The following KCNT1 variants were observed in gnomAD, a reference collection of about 807,000 sequenced individuals.
The protein encoded by KCNT1 is potassium sodium-activated channel subfamily T member 1.
Under a neutral mutation model 147.8 loss-of-function variants are expected in KCNT1, and 78 were observed. The observed-to-expected ratio is 0.53, with a 90% CI of 0.44 to 0.64. The LOEUF is 0.64. Ranked by LOEUF, KCNT1 falls within the 30% of genes least tolerant of loss-of-function variation. The probability of loss-of-function intolerance (pLI) is 0.00; values close to 1 mark genes in which losing one functional copy is unlikely to be tolerated. For missense variants in KCNT1, 1,419 were observed against 1,750.3 expected, an observed-to-expected ratio of 0.81 and a Z score of 3.38; for synonymous variants, 867 against 748.8, an observed-to-expected ratio of 1.16 and a Z score of -2.58.
intron 2 of KCNT1, among the ~76,000 whole-genome samples, chr9:135,732,965 G>A (rs1830167119): frequency 6.6e-6 from 1 of 151,910 alleles, no homozygotes; most frequent in African/African-American, 2.4e-5. Context: ...GCCTCCTGAT[G>A]AGGGCTAAGG....
chr9:135,789,994 CG>C, intron 29 of KCNT1: 1 of 152,564 alleles, frequency 6.6e-6, no homozygotes, highest in Non-Finnish European at 1.5e-5. Flanking sequence ...CATCCCCACC[CG>C]CCCCCTAGCC....
intron 2 of KCNT1, among the ~76,000 whole-genome samples, chr9:135,746,471 G>A (rs745842764): frequency 1.3e-5 from 2 of 152,330 alleles, no homozygotes; most frequent in Admixed American, 6.5e-5. Context: ...TCGACCCCAC[G>A]GTGTCTGGGG....
chr9:135,720,610 A>T (rs1835887449), intron 2 of KCNT1, among the ~76,000 whole-genome samples: 1 of 151,978 alleles, frequency 6.6e-6, no homozygotes, highest in Non-Finnish European at 1.5e-5. Context: ...CTTCCTCCAG[A>T]GGGAGCTTTG....
chr9:135,768,533 C>CCACCTCACCTCCG, intron 13 of KCNT1, 77 bp from the exon 14 acceptor site: 1 of 1,177,248 alleles, frequency 8.5e-7, no homozygotes, highest in Non-Finnish European at 1.2e-6. Context: ...GAGGTCCTCC[C>CCACCTCACCTCCG]CACCTCACCT....
At chr9:135,773,715 G>C (rs1832914549) in intron 19 of KCNT1, among the ~76,000 whole-genome samples, 1 of 152,272 alleles carries the variant, frequency 6.6e-6, no homozygotes, top group East Asian at 1.9e-4. Context: ...CTTTGCCTCT[G>C]GGGTGGGGTC....
intron 23 of KCNT1, among the ~76,000 whole-genome samples, chr9:135,779,115 A>G (rs1179610337): frequency 8.8e-6 from 1 of 113,692 alleles, no homozygotes; most frequent in Non-Finnish European, 1.8e-5. Context: ...CACAGCCACG[A>G]CCACAAGCCC....
intron 2 of KCNT1, among the ~76,000 whole-genome samples, chr9:135,742,033 G>A (rs1196565075): frequency 2.0e-5 from 3 of 151,926 alleles, no homozygotes; most frequent in Admixed American, 6.6e-5. Flanking sequence ...GGTGTCAGCC[G>A]CCTGCTGGCC....
chr9:135,775,716 G>A lies in KCNT1; in HGVS notation c.2349+301G>A, dbSNP rs62584760. ...CCTTTCCCCTAATACATCTACATGC[G>A]TTCCCAAAGATCAAGAACCATCTCG... On this transcript the variant is annotated intron_variant, in intron 20 of 30. Coordinates refer to ENST00000371757, the MANE Select transcript of KCNT1 (RefSeq NM_020822.3). 0.1 allele frequency among the ~76,000 whole-genome samples: 15,676 copies of A among 151,996 alleles called. 913 individuals are homozygous for A. The highest frequency in any genetic ancestry group is 0.14 in the South Asian group (674 of 4,806).
At chr9:135,770,615 C>A (rs1263436446) in intron 17 of KCNT1, among the ~76,000 whole-genome samples, 168 bp downstream of exon 17, 1 of 152,154 alleles carries the variant, frequency 6.6e-6, no homozygotes, top group South Asian at 2.1e-4. Context: ...GGACTGGGCT[C>A]CGGGTCCACA....
intron 2 of KCNT1, among the ~76,000 whole-genome samples, chr9:135,749,717 AT>A (rs1831040844): frequency 6.6e-6 from 1 of 152,210 alleles, no homozygotes; most frequent in African/African-American, 2.4e-5. Context: ...CCTGAGCACC[AT>A]CCCCAGGGCC....
chr9:135,758,535 C>G (rs1217353204), intron 10 of KCNT1, 27 bp downstream of exon 10: 1 of 1,589,868 alleles, frequency 6.3e-7, no homozygotes, highest in Non-Finnish European at 8.6e-7. Context: ...AGTGTGAGCA[C>G]CCCAGGACGT....
rs148808978 is a variant in KCNT1 at position 135,714,617 on chromosome 9, G to C, written c.151G>C (p.Gly51Arg). 4.2e-5 allele frequency: 61 copies of C among 1,452,444 alleles called. No individual in the cohort carries two copies. The African/African-American group carries it at 8.5e-4, about 20-fold the overall frequency. The allele number at this position is 1,452,444 out of a possible 1,614,324, so 90.0% of individuals were successfully genotyped here. ...AGDGALLDTAGFKMSDLDSEV... is the reference protein window; with the variant it reads ...AGDGALLDTARFKMSDLDSEV... ...GGACGGCGCGCTCCTGGACACCGCC[G>C]GCTTCAAGATGAGCGACCTGGACTC... The change falls in exon 2 of 31, where the codon GGC becomes CGC. Residue 51 changes from glycine (G) to arginine (R), a missense_variant. Around this residue, in one of 5 missense-constraint regions of KCNT1, gnomAD observed 181 missense variants for 155.7 expected, o/e 1.16. Coordinates refer to ENST00000371757, the MANE Select transcript of KCNT1 (RefSeq NM_020822.3). The surrounding 1 kb of genome is among the most constrained non-coding windows in gnomAD (Gnocchi z 6.2).
chr9:135,765,556 T>C, intron 12 of KCNT1, 68 bp from the exon 13 acceptor site: 3 of 1,539,158 alleles, frequency 1.9e-6, no homozygotes, highest in Non-Finnish European at 2.7e-6. Context: ...AACACAGTCC[T>C]GAAGGCAGGG....
At position 135,792,313 on chromosome 9, in the gene KCNT1, C is replaced by T. The variant is rs1588423950; in HGVS notation, c.*152C>T. On this transcript the variant is annotated 3_prime_UTR_variant, in exon 31 of 31. Coordinates refer to ENST00000371757, the MANE Select transcript of KCNT1 (RefSeq NM_020822.3). ...GGGACTCCACCCTGGAAAGGAGCCC[C>T]TCATGCGGGGGGAGGGCCAGCTCAC... 5 of 1,039,962 alleles carry T rather than the reference C, an allele frequency of 4.8e-6. No individual in the cohort carries two copies. Among genetic ancestry groups the T allele is most frequent in the Non-Finnish European group, 6.7e-6 (5 of 743,760 alleles). The allele number at this position is 1,039,962 out of a possible 1,614,324, so 64.4% of individuals were successfully genotyped here.
In KCNT1 at chr9:135,702,302, G is replaced by T. The variant is rs373446490; in HGVS notation, c.44G>T (p.Arg15Leu). 1 of 1,609,702 alleles carries T rather than the reference G, an allele frequency of 6.2e-7. No homozygotes were observed. Among genetic ancestry groups the T allele is most frequent in the Admixed American group, 1.7e-5 (1 of 59,850 alleles). ...DGARTPGGVC[R>L]EARGGGYTNR... ...GCGCGGACCCCGGGGGGCGTCTGCC[G>T]GGAGGCGCGCGGCGGGGGCTACACC... Residue 15 changes from arginine to leucine, a missense_variant, in exon 1 of 31, where the codon CGG (arginine) becomes CTG (leucine). Arg to Leu is a moderately radical substitution (Grantham distance 102, BLOSUM62 -2). Around this residue, in one of 5 missense-constraint regions of KCNT1, gnomAD observed 181 missense variants for 155.7 expected, o/e 1.16. Transcript: ENST00000371757.
At chr9:135,761,453 A>C (rs1187717307) in intron 11 of KCNT1, among the ~76,000 whole-genome samples, 1 of 152,038 alleles carries the variant, frequency 6.6e-6, no homozygotes, top group East Asian at 1.9e-4. Flanking sequence ...TGTGGGGGGC[A>C]CTCCGTGCAG....
intron 29 of KCNT1, chr9:135,791,562 T>C: frequency 1.9e-6 from 1 of 534,858 alleles, no homozygotes; most frequent in Non-Finnish European, 3.4e-6. Flanking sequence ...TGGGTGCGGG[T>C]CAGAGCTGGC....
In KCNT1 at chr9:135,742,294, G is replaced by A. The variant is rs143193548; in HGVS notation, c.255-7804G>A. Among the ~76,000 whole-genome samples the A allele has an allele frequency of 2.2e-4, 34 of 152,362 alleles. No homozygotes were observed. In the East Asian group the frequency reaches 6.0e-3, roughly 27 times the overall value. The stretch of plus-strand genomic sequence containing the variant: ...ACCTCGGCATGAGGTGGAGCTCACC[G>A]CGCTCGCTTCTGGATGCTGGGGACC... On this transcript the variant is annotated intron_variant, in intron 2 of 30. Coordinates refer to ENST00000371757, the MANE Select transcript of KCNT1 (RefSeq NM_020822.3).
At position 135,784,861 on chromosome 9, in the gene KCNT1, CAG is replaced by C; in HGVS notation, c.3133_3134del (p.Ser1045ProfsTer25). The C allele has an allele frequency of 6.2e-7, 1 of 1,612,754 alleles. No homozygotes were observed. Among genetic ancestry groups the C allele is most frequent in the Non-Finnish European group, 8.5e-7 (1 of 1,179,990 alleles). On this transcript the variant is annotated frameshift_variant, in exon 27 of 31. Transcript: ENST00000371757. LOFTEE classifies it high-confidence loss of function. ...GAGATCCCCATTGGCATCTACCGGA[CAG>C]AGAGCCACGTCTTCTCCACCTCGGA...
Sources: allele counts gnomAD v4.1 joint callset (sites outside exome capture counted in the v4.1 genomes callset), GRCh38; gene constraint gnomAD v4.1.1; regional missense constraint gnomAD v4.1.1; non-coding constraint Gnocchi (gnomAD v3.1); transcripts MANE v1.5; gene names NCBI Gene and HGNC (gene_info 2026-07-23, HGNC 2026-07-21).